The following MCU variants were observed in gnomAD, a reference collection of about 807,000 sequenced individuals.
MCU encodes the protein calcium uniporter protein, mitochondrial.
Under a neutral mutation model 45.2 loss-of-function variants are expected in MCU, and 12 were observed. That is an observed-to-expected ratio of 0.27 (90% CI 0.17 to 0.43). The LOEUF (loss-of-function observed/expected upper bound fraction) is 0.43, where lower values mean the gene tolerates loss of function less well. Among genes scored for constraint, MCU ranks in the 20% least tolerant of loss-of-function variants. MCU has a pLI of 1.00. For synonymous variants in MCU, 160 were observed against 165.1 expected (o/e 0.97, Z 0.24); for missense variants, 324 against 436.7 (o/e 0.74, Z 2.30).
At chr10:72,865,138 A>C (rs1206311637) in intron 4 of MCU, among the ~76,000 whole-genome samples, 1 of 152,214 alleles carries the variant, frequency 6.6e-6, no homozygotes, top group African/African-American at 2.4e-5. Context: ...TAGTTTTTTA[A>C]ATAAAGCTTT....
rs1435890480 is a variant in MCU, at chr10:72,704,704, A to ACT, written c.150+12403_150+12404insCT. ...AGGCATGCACTGTCATGCCTGGATA[A>ACT]TTTTTTTTTTTTTTTTTTTTTTTTT... is the stretch of plus-strand genomic sequence containing the variant. On this transcript the variant is annotated intron_variant, in intron 1 of 7. Transcript: ENST00000373053. Among the ~76,000 whole-genome samples the ACT allele has an allele frequency of 9.7e-4, 104 of 106,732 alleles. 13 individuals carry two copies. The highest frequency in any genetic ancestry group is 1.8e-3 in the African/African-American group (40 of 22,808). 70.0% of individuals were successfully genotyped at this position (106,732 alleles called of 152,430 possible).
At chr10:72,758,491 G>A (rs775299449) in intron 1 of MCU, among the ~76,000 whole-genome samples, 1 of 152,176 alleles carries the variant, frequency 6.6e-6, no homozygotes, top group Non-Finnish European at 1.5e-5. Context: ...AATTGATGGT[G>A]TATGTATGAA....
At position 72,716,648 on chromosome 10, in the gene MCU, C is replaced by A. The variant is rs146924082; in HGVS notation, c.150+24347C>A. Among the ~76,000 whole-genome samples, 3 of 151,736 alleles carry A rather than the reference C, an allele frequency of 2.0e-5. No individual in the cohort carries two copies. The East Asian group carries it at 5.8e-4, about 29-fold the overall frequency. ...CATGTAATCTGAACACTTTGGGAGG[C>A]CGAGGTGTGAGGATCGCTGGAGGCC... On this transcript the variant is annotated intron_variant, in intron 1 of 7. Transcript: ENST00000373053.
intron 2 of MCU, among the ~76,000 whole-genome samples, chr10:72,852,703 C>A (rs1487493566): frequency 6.6e-6 from 1 of 151,974 alleles, no homozygotes; most frequent in Non-Finnish European, 1.5e-5. Context: ...TTTGTAAATC[C>A]CAAGGCAGCT....
chr10:72,713,812 GA>G (rs1842923643), intron 1 of MCU, among the ~76,000 whole-genome samples: 1 of 152,108 alleles, frequency 6.6e-6, no homozygotes, highest in East Asian at 1.9e-4. Flanking sequence ...GTGAAAGCCT[GA>G]AACTAGTGGA....
chr10:72,869,468 G>T (rs1340559555), intron 5 of MCU, among the ~76,000 whole-genome samples: 1 of 152,138 alleles, frequency 6.6e-6, no homozygotes, highest in African/African-American at 2.4e-5. Flanking sequence ...TGTGCCTATA[G>T]TCCCAGCTAC....
At chr10:72,863,816 A>G (rs1020123429) in intron 4 of MCU, among the ~76,000 whole-genome samples, 10 of 152,030 alleles carry the variant, frequency 6.6e-5, no homozygotes, top group African/African-American at 2.2e-4. Flanking sequence ...GGGTTTCACC[A>G]TGTTGGCCAG....
Position 72,754,323 on chromosome 10 carries a change from A to C in MCU, c.150+62022A>C, listed in dbSNP as rs200131988. On this transcript the variant is annotated intron_variant, in intron 1 of 7. Transcript: ENST00000373053. ...AAAGCCCAGATTTCAATCCAGGTCT[A>C]TTTGAGTCCGGAGCTTATATTCTGT... 7.2e-5 allele frequency among the ~76,000 whole-genome samples: 11 copies of C among 152,318 alleles called. No homozygotes were observed. The East Asian group carries it at 2.1e-3, about 29-fold the overall frequency.
chr10:72,780,511 A>AGTGTGTGTGTGTGT (rs60306247), intron 1 of MCU, among the ~76,000 whole-genome samples: 7,957 of 110,502 alleles, frequency 0.072, 513 homozygotes, highest in African/African-American at 0.089. Flanking sequence ...TCTTTGGCTA[A>AGTGTGTGTGTGTGT]GTGTGTGTGT....
intron 1 of MCU, among the ~76,000 whole-genome samples, chr10:72,758,435 C>G (rs1233499483): frequency 6.6e-6 from 1 of 152,120 alleles, no homozygotes; most frequent in Non-Finnish European, 1.5e-5. Flanking sequence ...TCCACAGATA[C>G]AGTTGTGTAT....
rs909928737 is a variant in MCU at position 72,796,698 on chromosome 10, T to TG, written c.151-37661_151-37660insG. Among the ~76,000 whole-genome samples the TG allele has an allele frequency of 8.2e-4, 109 of 133,732 alleles. 1 individual carries two copies. Among genetic ancestry groups the TG allele is most frequent in the Non-Finnish European group, 1.5e-3 (83 of 55,122 alleles). 87.7% of individuals were successfully genotyped at this position (133,732 alleles called of 152,430 possible). On this transcript the variant is annotated intron_variant, in intron 1 of 7. Transcript: ENST00000373053. ...CTGGCTACTTTTTAGTTTTTGTTTT[T>TG]TTTTTTTTTTGTAGAGATGGGGTCT...
chr10:72,813,648 AG>A, intron 1 of MCU, among the ~76,000 whole-genome samples: 1 of 151,780 alleles, frequency 6.6e-6, no homozygotes, highest in East Asian at 1.9e-4. Context: ...TAGTAGAGAC[AG>A]GGTTTCACTA....
At chr10:72,711,956 C>A (rs138358244) in intron 1 of MCU, among the ~76,000 whole-genome samples, 1 of 151,454 alleles carries the variant, frequency 6.6e-6, no homozygotes, top group Non-Finnish European at 1.5e-5. Flanking sequence ...TCGTGATCCG[C>A]CTGCCTTGGC....
At chr10:72,831,254 T>A (rs559732345) in intron 1 of MCU, among the ~76,000 whole-genome samples, 1 of 152,218 alleles carries the variant, frequency 6.6e-6, no homozygotes, top group Non-Finnish European at 1.5e-5. Flanking sequence ...AATCAGTAAA[T>A]CTAGTAAAAT....
At chr10:72,705,634 A>G (rs1312009064) in intron 1 of MCU, among the ~76,000 whole-genome samples, 1 of 152,116 alleles carries the variant, frequency 6.6e-6, no homozygotes, top group African/African-American at 2.4e-5. Context: ...CCTGACCAAC[A>G]TGGAGAAACC....
chr10:72,821,776 G>A (rs2166336), intron 1 of MCU, among the ~76,000 whole-genome samples: 94,436 of 151,904 alleles, frequency 0.62, 30,844 homozygotes, highest in African/African-American at 0.71. Context: ...GGCAACATCA[G>A]ATCCAACAAA....
chr10:72,765,954 C>T (rs1843720798), intron 1 of MCU, among the ~76,000 whole-genome samples: 1 of 152,016 alleles, frequency 6.6e-6, no homozygotes, highest in Non-Finnish European at 1.5e-5. Flanking sequence ...GCAGCCTTGA[C>T]CTCCTAGGCT....
chr10:72,717,749 T>C (rs1025633947), intron 1 of MCU, among the ~76,000 whole-genome samples: 5 of 152,196 alleles, frequency 3.3e-5, no homozygotes, highest in Non-Finnish European at 7.3e-5. Flanking sequence ...AGTATATTTG[T>C]GTATGTGTGT....
rs1844842740 is a variant in MCU at position 72,829,254 on chromosome 10, CAG to C, written c.151-5101_151-5100del. ...AGGAGAATTGCTTGAACCCAGGAGG[CAG>C]AGATTGCAGTGAGCCAAGATTGTGC... On this transcript the variant is annotated intron_variant, in intron 1 of 7. Coordinates refer to ENST00000373053, the MANE Select transcript of MCU (RefSeq NM_138357.3). 2.7e-5 allele frequency among the ~76,000 whole-genome samples: 4 copies of C among 147,728 alleles called. No individual in the cohort carries two copies. In the Admixed American group the frequency reaches 2.8e-4, roughly 10 times the overall value.
Sources: gnomAD v4.1 joint callset for allele counts (sites outside exome capture counted in the v4.1 genomes callset) on GRCh38, gnomAD v4.1.1 for gene constraint, MANE v1.5 for transcripts, NCBI Gene and HGNC (gene_info 2026-07-23, HGNC 2026-07-21) for gene names.